Variants in ROBO2 observed in about 807,000 individuals in gnomAD.
ROBO2 encodes the protein roundabout guidance receptor 2, also known as roundabout homolog 2.
In ROBO2, 53 loss-of-function variants were observed where a neutral mutation model predicts 160.8. The observed-to-expected ratio is 0.33, with a 90% CI of 0.26 to 0.41. The LOEUF (loss-of-function observed/expected upper bound fraction) is 0.41, where lower values mean the gene tolerates loss of function less well. Among genes scored for constraint, ROBO2 ranks in the 10% least tolerant of loss-of-function variants. The probability of loss-of-function intolerance (pLI) is 1.00; values close to 1 mark genes in which losing one functional copy is unlikely to be tolerated. For missense variants in ROBO2, 1,577 were observed against 1,722.4 expected, an observed-to-expected ratio of 0.92 and a Z score of 1.49; for synonymous variants, 664 against 611.7, an observed-to-expected ratio of 1.09 and a Z score of -1.26.
chr3:76,417,176 C>A (rs2108887825), intron 2 of ROBO2, among the ~76,000 whole-genome samples: 1 of 152,246 alleles, frequency 6.6e-6, no homozygotes, highest in South Asian at 2.1e-4. Context: ...TGTAGGCTGA[C>A]CACACAGCAT....
chr3:77,395,370 T>C (rs568318849), intron 2 of ROBO2, among the ~76,000 whole-genome samples: 3 of 152,294 alleles, frequency 2.0e-5, no homozygotes, highest in Admixed American at 1.3e-4. Context: ...AAACAGATGT[T>C]ACTTTATTAA....
intron 2 of ROBO2, among the ~76,000 whole-genome samples, chr3:76,146,697 G>GGTGTGTGTGTGTGT (rs139527329): frequency 5.2e-4 from 71 of 136,500 alleles, no homozygotes; most frequent in African/African-American, 1.8e-3. Flanking sequence ...GATTACATAG[G>GGTGTGTGTGTGTGT]GTGTGTGTGT....
intron 24 of ROBO2, among the ~76,000 whole-genome samples, chr3:77,640,092 G>A (rs1474752690): frequency 1.5e-5 from 2 of 131,592 alleles, no homozygotes; most frequent in Non-Finnish European, 3.3e-5. Flanking sequence ...CACTGCAGAG[G>A]AAGCATTTTT....
chr3:77,044,375 A>G (rs2064413865), intron 1 of ROBO2, among the ~76,000 whole-genome samples: 1 of 152,188 alleles, frequency 6.6e-6, no homozygotes, highest in Non-Finnish European at 1.5e-5. Flanking sequence ...CCGGCAGTCT[A>G]CAGGAGGTAC....
At chr3:77,061,873 T>A (rs1383555959) in intron 1 of ROBO2, among the ~76,000 whole-genome samples, 1 of 152,202 alleles carries the variant, frequency 6.6e-6, no homozygotes, top group Non-Finnish European at 1.5e-5. Context: ...AGCTCAAGAC[T>A]TTGAGCAAGG....
intron 17 of ROBO2, 44 bp downstream of exon 18, chr3:77,588,977 A>T: frequency 6.3e-7 from 1 of 1,599,152 alleles, no homozygotes; most frequent in Non-Finnish European, 8.6e-7. Flanking sequence ...GTCTGTAGGA[A>T]TGTAATGAAA....
At chr3:76,982,046 C>T (rs752887125) in intron 2 of ROBO2, among the ~76,000 whole-genome samples, 3 of 152,096 alleles carry the variant, frequency 2.0e-5, no homozygotes, top group South Asian at 2.1e-4. Context: ...CAGATGATAT[C>T]AGTATTCTTT....
At chr3:77,580,614 G>A (rs2093891971) in intron 16 of ROBO2, among the ~76,000 whole-genome samples, 2 of 152,006 alleles carry the variant, frequency 1.3e-5, no homozygotes. Flanking sequence ...TCTTATCATA[G>A]ATTATGTTTG....
At chr3:77,382,445 A>G (rs1398210659) in intron 2 of ROBO2, among the ~76,000 whole-genome samples, 1 of 150,034 alleles carries the variant, frequency 6.7e-6, no homozygotes, top group African/African-American at 2.5e-5. Flanking sequence ...CTTTTGGGGT[A>G]CAAGTTGTTT....
chr3:76,245,514 C>T (rs1705564970), intron 2 of ROBO2, among the ~76,000 whole-genome samples: 1 of 152,090 alleles, frequency 6.6e-6, no homozygotes, highest in African/African-American at 2.4e-5. Flanking sequence ...AAATGAGTTT[C>T]TATTTAGTCA....
chr3:76,656,940 G>C (rs116278964), intron 2 of ROBO2, among the ~76,000 whole-genome samples: 1,593 of 152,094 alleles, frequency 0.01, 22 homozygotes, highest in African/African-American at 0.035. Context: ...TCTTTAACTG[G>C]CTCTCTATTT....
At chr3:76,462,349 C>G (rs867131808) in intron 2 of ROBO2, among the ~76,000 whole-genome samples, 1 of 151,954 alleles carries the variant, frequency 6.6e-6, no homozygotes, top group African/African-American at 2.4e-5. Flanking sequence ...AACATTCGAG[C>G]GATTTTTTGA....
intron 2 of ROBO2, among the ~76,000 whole-genome samples, chr3:76,187,343 T>TGGCTTATCACAGTCTCA (rs1325085704): frequency 2.0e-5 from 3 of 152,106 alleles, no homozygotes; most frequent in Non-Finnish European, 4.4e-5. Flanking sequence ...GGTATGAACA[T>TGGCTTATCACAGTCTCA]GGCTTATCAC....
At chr3:76,987,699 C>T (rs1262623459) in intron 2 of ROBO2, among the ~76,000 whole-genome samples, 1 of 152,072 alleles carries the variant, frequency 6.6e-6, no homozygotes, top group Non-Finnish European at 1.5e-5. Flanking sequence ...TTTAATACCC[C>T]CTTTCAAAAC....
chr3:77,172,462 A>T (rs907331738), intron 2 of ROBO2, among the ~76,000 whole-genome samples: 3 of 152,208 alleles, frequency 2.0e-5, no homozygotes, highest in African/African-American at 7.2e-5. Flanking sequence ...AAGTGCAAAT[A>T]ACGGTATGAA....
At chr3:76,634,310 G>A (rs1271596126) in intron 2 of ROBO2, among the ~76,000 whole-genome samples, 1 of 152,158 alleles carries the variant, frequency 6.6e-6, no homozygotes, top group Non-Finnish European at 1.5e-5. Context: ...GCTTATGCCT[G>A]TAATCCCAGC....
intron 1 of ROBO2, among the ~76,000 whole-genome samples, chr3:75,930,806 A>G (rs1947500717): frequency 6.6e-6 from 1 of 152,216 alleles, no homozygotes; most frequent in African/African-American, 2.4e-5. Context: ...GGTTCCAAAT[A>G]TATCTGTAAT....
chr3:76,134,520 A>G (rs975836249), intron 2 of ROBO2, among the ~76,000 whole-genome samples: 2 of 152,042 alleles, frequency 1.3e-5, no homozygotes, highest in Admixed American at 6.6e-5. Flanking sequence ...GTATCAGGAA[A>G]ACCCTTTAAA....
At chr3:76,603,341 AAAAAAAAAAAATATATAT>A (rs2087336183) in intron 2 of ROBO2, among the ~76,000 whole-genome samples, 2 of 55,452 alleles carry the variant, frequency 3.6e-5, no homozygotes, top group Admixed American at 2.1e-4. Flanking sequence ...CCAAAAAAAA[AAAAAAAAAAAATATATAT>A]ATATATATAT....
Sources: gnomAD v4.1 joint callset for allele counts (sites outside exome capture counted in the v4.1 genomes callset) on GRCh38, gnomAD v4.1.1 for gene constraint, MANE v1.5 for transcripts, NCBI Gene and HGNC (gene_info 2026-07-23, HGNC 2026-07-21) for gene names.